The following STXBP4 variants were observed in gnomAD, a reference collection of about 807,000 sequenced individuals.
STXBP4 encodes syntaxin-binding protein 4.
A neutral mutation model predicts 76.1 loss-of-function variants in STXBP4; 55 were observed. The observed-to-expected ratio is 0.72, with a 90% confidence interval of 0.58 to 0.91. The LOEUF (loss-of-function observed/expected upper bound fraction) is 0.91, where lower values mean the gene tolerates loss of function less well. STXBP4 is among the 40% of genes least tolerant of loss of function. The probability of loss-of-function intolerance (pLI) is 0.00; values close to 1 mark genes in which losing one functional copy is unlikely to be tolerated. For synonymous variants in STXBP4, 201 were observed against 220.2 expected, an observed-to-expected ratio of 0.91 and a Z score of 0.77; for missense variants, 618 against 636.9, an observed-to-expected ratio of 0.97 and a Z score of 0.32.
At chr17:55,185,812 C>T in the STXBP4 span, among the ~76,000 whole-genome samples, 2 of 152,128 alleles carry the variant, frequency 1.3e-5, no homozygotes, top group Non-Finnish European at 2.9e-5. Flanking sequence ...ATGGTTGACC[C>T]AAGCCTTACA....
At chr17:55,175,057 C>T (rs2080424570), downstream of STXBP4, among the ~76,000 whole-genome samples, 1 of 152,000 alleles carries the variant, frequency 6.6e-6, no homozygotes, top group Non-Finnish European at 1.5e-5. Context: ...ATCTGCAACT[C>T]CTTTCACACT....
intron 16 of STXBP4, among the ~76,000 whole-genome samples, chr17:55,114,760 C>T (rs2079761569): frequency 6.6e-6 from 1 of 151,824 alleles, no homozygotes; most frequent in South Asian, 2.1e-4. Context: ...AGATAGAATA[C>T]CTTCCCTCTT....
chr17:55,010,026 T>C (rs1323005723), intron 8 of STXBP4, among the ~76,000 whole-genome samples: 3 of 151,966 alleles, frequency 2.0e-5, no homozygotes, highest in African/African-American at 7.2e-5. Flanking sequence ...ATAAGGCCAA[T>C]GTGATCAGGT....
At chr17:55,043,637 G>C (rs1308757416) in intron 11 of STXBP4, 2 of 1,549,550 alleles carry the variant, frequency 1.3e-6, no homozygotes, top group African/African-American at 1.4e-5. Flanking sequence ...TAGATGAAGA[G>C]CCAATAAAGC....
At chr17:55,201,897 T>G in the STXBP4 span, among the ~76,000 whole-genome samples, 1 of 152,222 alleles carries the variant, frequency 6.6e-6, no homozygotes, top group Non-Finnish European at 1.5e-5. Context: ...TGAAACATAC[T>G]TCATAATGTT....
At chr17:55,073,612 T>C (rs764535189) in intron 13 of STXBP4, among the ~76,000 whole-genome samples, 1 of 152,168 alleles carries the variant, frequency 6.6e-6, no homozygotes, top group Non-Finnish European at 1.5e-5. Flanking sequence ...ACTGAATGCT[T>C]TTCAGAAGGC....
At chr17:55,021,271 C>T (rs952143538) in intron 8 of STXBP4, among the ~76,000 whole-genome samples, 2 of 152,130 alleles carry the variant, frequency 1.3e-5, no homozygotes, top group Non-Finnish European at 2.9e-5. Context: ...CCTGTAAATT[C>T]AGCACTTTGG....
chr17:55,162,963 A>G lies in STXBP4; in HGVS notation c.*3052A>G, dbSNP rs894602055. 4 of 152,230 alleles carry G rather than the reference A, an allele frequency of 2.6e-5. No homozygotes were observed. Among genetic ancestry groups the G allele is most frequent in the Non-Finnish European group, 5.9e-5 (4 of 68,038 alleles). 9.4% of individuals were successfully genotyped at this position (152,230 alleles called of 1,614,324 possible). On this transcript the variant is annotated 3_prime_UTR_variant, in exon 18 of 18. Transcript: ENST00000376352. ...CTTATTGCTAACAATGTCACAGTGA[A>G]CATTTATATATTCATTAAATCCTTT...
At chr17:55,093,483 C>T (rs2079444191) in intron 16 of STXBP4, among the ~76,000 whole-genome samples, 1 of 152,134 alleles carries the variant, frequency 6.6e-6, no homozygotes, top group Admixed American at 6.5e-5. Flanking sequence ...TGTAAAACAG[C>T]CCTGTTCTCT....
At chr17:55,181,571 T>A in the STXBP4 span, among the ~76,000 whole-genome samples, 1 of 152,236 alleles carries the variant, frequency 6.6e-6, no homozygotes, top group Non-Finnish European at 1.5e-5. Context: ...GAAATTTAAT[T>A]TTTAAGATAA....
the STXBP4 span, among the ~76,000 whole-genome samples, chr17:55,202,948 T>C: frequency 5.3e-4 from 80 of 152,266 alleles, 1 homozygote; most frequent in African/African-American, 1.8e-3. Context: ...AAAACGATCA[T>C]TGGACTATAG....
downstream of STXBP4, among the ~76,000 whole-genome samples, chr17:55,175,805 G>A (rs894423724): frequency 1.3e-5 from 2 of 152,118 alleles, no homozygotes; most frequent in South Asian, 4.1e-4. Flanking sequence ...AAGAGATGAG[G>A]CCATCCCAAT....
the STXBP4 span, among the ~76,000 whole-genome samples, chr17:55,208,097 C>A: frequency 3.8e-4 from 57 of 150,556 alleles, no homozygotes; most frequent in Non-Finnish European, 5.6e-4. Flanking sequence ...GTGTTTTAAT[C>A]CTCTCCACAG....
chr17:55,099,719 A>T (rs983537428), intron 16 of STXBP4, among the ~76,000 whole-genome samples: 15 of 152,314 alleles, frequency 9.8e-5, no homozygotes, highest in African/African-American at 3.4e-4. Context: ...TTTATCAGGC[A>T]CTAAGAACAT....
intron 16 of STXBP4, among the ~76,000 whole-genome samples, chr17:55,125,313 T>C (rs1207327445): frequency 2.0e-5 from 3 of 152,058 alleles, no homozygotes; most frequent in Non-Finnish European, 4.4e-5. Context: ...GAAACCATTT[T>C]TGGTGTCAGT....
At chr17:55,074,459 T>C (rs1012812806) in intron 13 of STXBP4, among the ~76,000 whole-genome samples, 7 of 152,308 alleles carry the variant, frequency 4.6e-5, no homozygotes, top group Middle Eastern at 3.4e-3. Flanking sequence ...GATAATGTTA[T>C]GTAACTTTAG....
At chr17:55,188,671 A>G in the STXBP4 span, among the ~76,000 whole-genome samples, 15 of 152,328 alleles carry the variant, frequency 9.8e-5, no homozygotes, top group African/African-American at 3.6e-4. Flanking sequence ...AGGATCCCAC[A>G]AAGAATTTTC....
At chr17:55,202,109 C>CAA in the STXBP4 span, among the ~76,000 whole-genome samples, 6 of 151,590 alleles carry the variant, frequency 4.0e-5, no homozygotes. Context: ...CACACACACA[C>CAA]ACACATAGTG....
chr17:55,024,301 A>G (rs935668859), intron 8 of STXBP4, among the ~76,000 whole-genome samples: 1 of 152,258 alleles, frequency 6.6e-6, no homozygotes, highest in Non-Finnish European at 1.5e-5. Flanking sequence ...TAGTGCCACC[A>G]CATAAGGAGA....
Sources: allele counts gnomAD v4.1 joint callset (sites outside exome capture counted in the v4.1 genomes callset), GRCh38; gene constraint gnomAD v4.1.1; transcripts MANE v1.5; gene names NCBI Gene and HGNC (gene_info 2026-07-23, HGNC 2026-07-21).